Variants in CNNM2 observed in about 807,000 individuals in gnomAD.
CNNM2 encodes cyclin and CBS domain divalent metal cation transport mediator 2.
In CNNM2, 12 loss-of-function variants were observed where a neutral mutation model predicts 66.9. The ratio of observed to expected loss-of-function variants is 0.18; its 90% confidence interval spans 0.11 to 0.29. The LOEUF (loss-of-function observed/expected upper bound fraction) is 0.29, where lower values mean the gene tolerates loss of function less well. Ranked by LOEUF, CNNM2 falls within the 10% of genes least tolerant of loss-of-function variation. The probability of loss-of-function intolerance (pLI) is 1.00; values close to 1 mark genes in which losing one functional copy is unlikely to be tolerated. For missense variants in CNNM2, 705 were observed against 1,167.7 expected (o/e 0.60, Z 5.77); for synonymous variants, 557 against 501.8 (o/e 1.11, Z -1.47).
At chr10:103,055,881 T>G (rs1433548043) in intron 3 of CNNM2, among the ~76,000 whole-genome samples, 1 of 152,196 alleles carries the variant, frequency 6.6e-6, no homozygotes, top group East Asian at 1.9e-4. Flanking sequence ...GCAGGCTGAT[T>G]GCTTGAGACC....
chr10:103,028,814 CTT>C (rs67846722), intron 1 of CNNM2, among the ~76,000 whole-genome samples: 251 of 126,184 alleles, frequency 2.0e-3, no homozygotes, highest in African/African-American at 6.6e-3. Context: ...TTTTCTTTTT[CTT>C]TTTTTTTTTT....
In CNNM2 at chr10:102,918,394, G is replaced by T; in HGVS notation, c.-87G>T. On this transcript the variant is annotated 5_prime_UTR_variant, in exon 1 of 8. Transcript: ENST00000369878. The surrounding 1 kb of genome is among the most constrained non-coding windows in gnomAD (Gnocchi z 4.1). The stretch of plus-strand genomic sequence containing the variant: ...GAACTGCTGAGCACTGGCCGCGGAC[G>T]CTCCGTTGCAGTCTCGCCCAGGGGC... The T allele has an allele frequency of 6.5e-7, 1 of 1,532,074 alleles. No homozygotes were observed. The highest frequency in any genetic ancestry group is 1.4e-5 in the African/African-American group (1 of 71,604). 94.9% of individuals were successfully genotyped at this position (1,532,074 alleles called of 1,614,324 possible).
chr10:102,940,164 G>A (rs1229027248), intron 1 of CNNM2, among the ~76,000 whole-genome samples: 1 of 152,030 alleles, frequency 6.6e-6, no homozygotes, highest in Admixed American at 6.6e-5. Flanking sequence ...ATGTTGGCCA[G>A]GCTGGTCTCA....
At position 103,081,144 on chromosome 10, in the gene CNNM2, C is replaced by A. The variant is rs565903592; in HGVS notation, c.*3964C>A. The A allele has an allele frequency of 6.6e-6, 1 of 152,254 alleles. No homozygotes were observed. The highest frequency in any genetic ancestry group is 2.4e-5 in the African/African-American group (1 of 41,448). 9.4% of individuals were successfully genotyped at this position (152,254 alleles called of 1,614,324 possible). A position where few individuals can be genotyped will look rare whatever the true frequency, so the allele number is the denominator to read the frequency against. ...CAGGCCAGGGAGGGCTGGCTTTGCA[C>A]GCTATGTAGCATGACCCAAGCTCCC... On this transcript the variant is annotated 3_prime_UTR_variant, in exon 8 of 8. Coordinates refer to ENST00000369878, the MANE Select transcript of CNNM2 (RefSeq NM_017649.5).
chr10:102,966,550 C>G (rs999607947), intron 1 of CNNM2, among the ~76,000 whole-genome samples: 3 of 152,196 alleles, frequency 2.0e-5, no homozygotes, highest in African/African-American at 4.8e-5. Flanking sequence ...TTGCTTGAAC[C>G]TGGGAGACGG....
At chr10:102,949,720 G>A (rs151024115) in intron 1 of CNNM2, among the ~76,000 whole-genome samples, 45 of 152,068 alleles carry the variant, frequency 3.0e-4, no homozygotes, top group Non-Finnish European at 5.7e-4. Flanking sequence ...AATCTGGAGG[G>A]CGGAGGTTGC....
intron 1 of CNNM2, among the ~76,000 whole-genome samples, chr10:102,956,484 G>A (rs1382441950): frequency 6.6e-6 from 1 of 152,026 alleles, no homozygotes; most frequent in Non-Finnish European, 1.5e-5. Context: ...ATACCCAAAG[G>A]ATTATAAATC....
intron 1 of CNNM2, among the ~76,000 whole-genome samples, chr10:103,035,458 C>A (rs187059579): frequency 6.6e-5 from 10 of 152,276 alleles, no homozygotes; most frequent in African/African-American, 2.4e-4. Flanking sequence ...AGATGCCCAG[C>A]ATGCCTCACT....
Position 103,054,520 on chromosome 10 carries a change from T to C in CNNM2, c.1903+54T>C. ...CTCTACCAACCCTGAAGCGTGTTTC[T>C]CACCCACCACTGACTGGGGTGGGTT... On this transcript the variant is annotated intron_variant, in intron 3 of 7. Coordinates refer to ENST00000369878, the MANE Select transcript of CNNM2 (RefSeq NM_017649.5). The surrounding 1 kb of genome is among the most constrained non-coding windows in gnomAD (Gnocchi z 5.2). 6.3e-7 allele frequency: 1 copy of C among 1,587,126 alleles called. No individual in the cohort carries two copies. The highest frequency in any genetic ancestry group is 8.6e-7 in the Non-Finnish European group (1 of 1,162,576).
At chr10:102,922,372 G>A (rs1845676640) in intron 1 of CNNM2, among the ~76,000 whole-genome samples, 1 of 151,792 alleles carries the variant, frequency 6.6e-6, no homozygotes, top group Admixed American at 6.6e-5. Context: ...CTTACTGTCA[G>A]TTATATTGGT....
At chr10:103,005,667 T>C (rs2064212306) in intron 1 of CNNM2, among the ~76,000 whole-genome samples, 1 of 152,108 alleles carries the variant, frequency 6.6e-6, no homozygotes, top group Non-Finnish European at 1.5e-5. Context: ...AAAAATTGAT[T>C]TTTGTATGTT....
At position 103,063,197 on chromosome 10, in the gene CNNM2, T is replaced by C. The variant is rs143928707; in HGVS notation, c.2074-5432T>C. On this transcript the variant is annotated intron_variant, in intron 4 of 7. Coordinates refer to ENST00000369878, the MANE Select transcript of CNNM2 (RefSeq NM_017649.5). ...TTAGCAAACTTGCTGAGTCTGGCCA[T>C]TCCATTGCAGACTCCAGATTGAAAG... is the stretch of plus-strand genomic sequence containing the variant. 0.017 allele frequency among the ~76,000 whole-genome samples: 2,555 copies of C among 152,294 alleles called. 37 individuals carry two copies. The highest frequency in any genetic ancestry group is 0.044 in the South Asian group (210 of 4,822).
Position 103,060,258 on chromosome 10 carries a change from C to G in CNNM2, c.2073+3294C>G, listed in dbSNP as rs550268646. Among the ~76,000 whole-genome samples, 7 of 152,006 alleles carry G rather than the reference C, an allele frequency of 4.6e-5. No individual in the cohort carries two copies. The South Asian group carries it at 1.5e-3, about 32-fold the overall frequency. ...GAATCGATGATAATGAAATAAAATT[C>G]GAAATAAAAAATACATAAAAGTGCT... On this transcript the variant is annotated intron_variant, in intron 4 of 7. Transcript: ENST00000369878.
chr10:102,951,257 C>T (rs1445034893), intron 1 of CNNM2, among the ~76,000 whole-genome samples: 5 of 151,728 alleles, frequency 3.3e-5, no homozygotes, highest in African/African-American at 4.8e-5. Flanking sequence ...AGTGTAGTGG[C>T]GCAGTCTTGG....
At chr10:102,972,859 G>T (rs952513760) in intron 1 of CNNM2, among the ~76,000 whole-genome samples, 1 of 152,158 alleles carries the variant, frequency 6.6e-6, no homozygotes, top group Non-Finnish European at 1.5e-5. Flanking sequence ...GAGAGAAACT[G>T]CTGTACATTG....
intron 1 of CNNM2, among the ~76,000 whole-genome samples, chr10:102,989,781 G>A (rs894617377): frequency 6.6e-6 from 1 of 151,888 alleles, no homozygotes; most frequent in African/African-American, 2.4e-5. Context: ...CAGCCTGGGC[G>A]ACAGAGTGAG....
At chr10:102,944,763 T>G (rs148639928) in intron 1 of CNNM2, among the ~76,000 whole-genome samples, 78 of 152,284 alleles carry the variant, frequency 5.1e-4, no homozygotes, top group Non-Finnish European at 8.2e-4. Context: ...AAATTTAATG[T>G]CAGTACAAAC....
intron 1 of CNNM2, among the ~76,000 whole-genome samples, chr10:103,020,204 GA>G (rs754707777): frequency 6.6e-6 from 1 of 151,292 alleles, no homozygotes; most frequent in Non-Finnish European, 1.5e-5. Context: ...ACCCAGACTA[GA>G]AATGCAATGG....
chr10:102,923,165 G>A (rs1337101528), intron 1 of CNNM2, among the ~76,000 whole-genome samples: 1 of 151,510 alleles, frequency 6.6e-6, no homozygotes, highest in African/African-American at 2.4e-5. Flanking sequence ...GTCTCACTGT[G>A]TTGCCCAGGC....
Sources: gnomAD v4.1 joint callset for allele counts (sites outside exome capture counted in the v4.1 genomes callset) on GRCh38, gnomAD v4.1.1 for gene constraint, Gnocchi (gnomAD v3.1) non-coding constraint, MANE v1.5 for transcripts, NCBI Gene and HGNC (gene_info 2026-07-23, HGNC 2026-07-21) for gene names.